Variants in MYT1L observed in about 807,000 individuals in gnomAD.
MYT1L encodes the protein myelin transcription factor 1 like.
MYT1L carries 12 observed loss-of-function variants against 126.7 expected under a neutral mutation model. The ratio of observed to expected loss-of-function variants is 0.09; its 90% CI spans 0.06 to 0.15. MYT1L has a LOEUF of 0.15. Among genes scored for constraint, MYT1L ranks in the 10% least tolerant of loss-of-function variants. The pLI is 1.00. For synonymous variants in MYT1L, 541 were observed against 604.2 expected (o/e 0.90, Z 1.53); for missense variants, 979 against 1,585.2 (o/e 0.62, Z 6.49).
chr2:2,161,114 G>A (rs969297781), intron 3 of MYT1L, among the ~76,000 whole-genome samples: 1 of 152,162 alleles, frequency 6.6e-6, no homozygotes, highest in Non-Finnish European at 1.5e-5. Flanking sequence ...CAGCTACTCG[G>A]GAGGCTGAGA....
intron 3 of MYT1L, among the ~76,000 whole-genome samples, chr2:2,110,172 G>A (rs1020421722): frequency 6.6e-5 from 10 of 151,596 alleles, no homozygotes; most frequent in African/African-American, 1.7e-4. Context: ...ACCAGTCATC[G>A]TACAGAGGCA....
chr2:1,985,898 G>C (rs1314148153), intron 5 of MYT1L, among the ~76,000 whole-genome samples: 1 of 152,200 alleles, frequency 6.6e-6, no homozygotes, highest in African/African-American at 2.4e-5. Flanking sequence ...GCCTCAATGG[G>C]TGCCCCCAGC....
At chr2:2,240,269 G>C (rs2094412358) in intron 2 of MYT1L, among the ~76,000 whole-genome samples, 1 of 151,754 alleles carries the variant, frequency 6.6e-6, no homozygotes, top group Admixed American at 6.6e-5. Flanking sequence ...CTCCAGCCTG[G>C]GCAAAAAGAG....
Sources: gnomAD v4.1 joint callset for allele counts (sites outside exome capture counted in the v4.1 genomes callset) on GRCh38, gnomAD v4.1.1 for gene constraint, MANE v1.5 for transcripts, NCBI Gene and HGNC (gene_info 2026-07-23, HGNC 2026-07-21) for gene names.